The following EPB41L4A variants were observed in gnomAD, a reference collection of about 807,000 sequenced individuals.
The protein encoded by EPB41L4A is erythrocyte membrane protein band 4.1 like 4A, also known as band 4.1-like protein 4A.
In EPB41L4A, 100 loss-of-function variants were observed where a neutral mutation model predicts 108.6. The ratio of observed to expected loss-of-function variants is 0.92; its 90% CI spans 0.78 to 1.09. The LOEUF (loss-of-function observed/expected upper bound fraction) is 1.09. Ranked by LOEUF, EPB41L4A falls within the 50% of genes least tolerant of loss-of-function variation. The pLI, the probability that EPB41L4A is intolerant of heterozygous loss-of-function variation, is 0.00. For missense variants in EPB41L4A, 1,030 were observed against 842.7 expected, an observed-to-expected ratio of 1.22 and a Z score of -2.75; for synonymous variants, 319 against 289.0, an observed-to-expected ratio of 1.10 and a Z score of -1.05.
intron 9 of EPB41L4A, among the ~76,000 whole-genome samples, chr5:112,242,684 T>C (rs1480977373): frequency 2.0e-5 from 3 of 152,234 alleles, no homozygotes; most frequent in African/African-American, 7.2e-5. Context: ...GAAATCATTA[T>C]CTATCGCATC....
chr5:112,194,476 A>G, intron 17 of EPB41L4A, 92 bp downstream of exon 17: 1 of 711,228 alleles, frequency 1.4e-6, no homozygotes. Flanking sequence ...ACTCAGATGG[A>G]AAAAACAGAC....
At position 112,168,832 on chromosome 5, in the gene EPB41L4A, G is replaced by A. The variant is rs774082369; in HGVS notation, c.1851-12C>T. 6.2e-7 allele frequency: 1 copy of A among 1,609,324 alleles called. No homozygotes were observed. The highest frequency in any genetic ancestry group is 1.7e-5 in the Admixed American group (1 of 60,012). ...GATCTGTTTTTGAACTGCAGAGAAT[G>A]AGTTTTAGAATTAGTGACTGGAACA... is the stretch of plus-strand genomic sequence containing the variant. On this transcript the variant is annotated splice_polypyrimidine_tract_variant and intron_variant, in intron 21 of 22. Transcript: ENST00000261486.
intron 1 of EPB41L4A, among the ~76,000 whole-genome samples, chr5:112,342,444 T>G (rs1311471441): frequency 6.6e-6 from 1 of 152,214 alleles, no homozygotes; most frequent in African/African-American, 2.4e-5. Context: ...CAGGCAGTCC[T>G]GACAAGTAGG....
chr5:112,379,215 C>T (rs1159921486), intron 1 of EPB41L4A, among the ~76,000 whole-genome samples: 1 of 152,076 alleles, frequency 6.6e-6, no homozygotes, highest in East Asian at 1.9e-4. Context: ...AGAATTTTTG[C>T]TTAAAATTAA....
intron 2 of EPB41L4A, among the ~76,000 whole-genome samples, chr5:112,299,969 C>T (rs1754246090): frequency 6.6e-6 from 1 of 152,008 alleles, no homozygotes; most frequent in African/African-American, 2.4e-5. Flanking sequence ...CATATGCCTG[C>T]TTGTTTTTGG....
intron 1 of EPB41L4A, among the ~76,000 whole-genome samples, chr5:112,330,894 G>C (rs1477722017): frequency 6.6e-6 from 1 of 152,138 alleles, no homozygotes; most frequent in African/African-American, 2.4e-5. Flanking sequence ...GTGTGGACAG[G>C]GTGAGGAGGG....
intron 12 of EPB41L4A, among the ~76,000 whole-genome samples, chr5:112,232,425 G>A (rs1749023893): frequency 6.6e-6 from 1 of 152,182 alleles, no homozygotes; most frequent in South Asian, 2.1e-4. Context: ...CAAAATAATA[G>A]TGATGTGGCA....
At chr5:112,382,519 T>C (rs868219800) in intron 1 of EPB41L4A, among the ~76,000 whole-genome samples, 51 of 152,220 alleles carry the variant, frequency 3.4e-4, no homozygotes, top group South Asian at 4.1e-4. Flanking sequence ...TCTGACCCAG[T>C]AGAAAAATTC....
chr5:112,293,429 T>C (rs1407481964), intron 2 of EPB41L4A, among the ~76,000 whole-genome samples: 1 of 152,044 alleles, frequency 6.6e-6, no homozygotes, highest in Non-Finnish European at 1.5e-5. Flanking sequence ...AAAGAAAACT[T>C]TCTCTCCAAG....
chr5:112,265,320 C>T (rs1751771479), intron 5 of EPB41L4A, among the ~76,000 whole-genome samples: 2 of 152,240 alleles, frequency 1.3e-5, no homozygotes, highest in South Asian at 4.2e-4. Context: ...AACAGCATTT[C>T]AAGTACAAAC....
intron 6 of EPB41L4A, among the ~76,000 whole-genome samples, chr5:112,262,926 T>G (rs540232353): frequency 6.6e-6 from 1 of 152,100 alleles, no homozygotes; most frequent in African/African-American, 2.4e-5. Context: ...AAGAGTAAAA[T>G]GTCTCTGTGC....
intron 4 of EPB41L4A, among the ~76,000 whole-genome samples, chr5:112,268,480 C>G (rs1449182928): frequency 6.6e-6 from 1 of 152,156 alleles, no homozygotes; most frequent in African/African-American, 2.4e-5. Flanking sequence ...CCTCCTCCTT[C>G]TCTATTGGCA....
At chr5:112,219,272 G>A (rs566649755) in intron 12 of EPB41L4A, among the ~76,000 whole-genome samples, 42 of 152,202 alleles carry the variant, frequency 2.8e-4, no homozygotes, top group Non-Finnish European at 5.0e-4. Flanking sequence ...TGCTATTCTC[G>A]TGATAGTGAG....
intron 13 of EPB41L4A, among the ~76,000 whole-genome samples, chr5:112,145,059 G>T (rs1415872034): frequency 6.6e-6 from 1 of 152,232 alleles, no homozygotes; most frequent in Admixed American, 6.5e-5. Flanking sequence ...GGAGGCCGAG[G>T]TGGGCGTATC....
rs1561584934 is a variant in EPB41L4A, at chr5:112,339,480, A to ATATATC, written c.100-31991_100-31990insGATATA. 2.3e-3 allele frequency among the ~76,000 whole-genome samples: 75 copies of ATATATC among 32,962 alleles called. 1 individual carries two copies. The highest frequency in any genetic ancestry group is 8.5e-3 in the African/African-American group (74 of 8,702). The allele number at this position is 32,962 out of a possible 152,430, so 21.6% of individuals were successfully genotyped here. A position where few individuals can be genotyped will look rare whatever the true frequency, so the allele number is the denominator to read the frequency against. ...GCTATAGATATATATATATCTATAT[A>ATATATC]TATATATATATATATCTATATATAT... On this transcript the variant is annotated intron_variant, in intron 1 of 22. Transcript: ENST00000261486.
intron 1 of EPB41L4A, among the ~76,000 whole-genome samples, chr5:112,366,384 T>C (rs1194640891): frequency 6.6e-6 from 1 of 151,788 alleles, no homozygotes. Context: ...AGAGTTAATC[T>C]ATGAGGTTAA....
intron 12 of EPB41L4A, among the ~76,000 whole-genome samples, chr5:112,224,744 G>A (rs1403004388): frequency 1.3e-5 from 2 of 152,146 alleles, no homozygotes; most frequent in Non-Finnish European, 2.9e-5. Flanking sequence ...TCAGAGCAGA[G>A]GTTCTTACAA....
At chr5:112,327,127 A>G (rs1357282418) in intron 1 of EPB41L4A, among the ~76,000 whole-genome samples, 1 of 152,224 alleles carries the variant, frequency 6.6e-6, no homozygotes, top group Admixed American at 6.5e-5. Context: ...AAAAGCCAAG[A>G]GCTAAAACCC....
chr5:112,294,844 A>G (rs1753890644), intron 2 of EPB41L4A, among the ~76,000 whole-genome samples: 2 of 152,196 alleles, frequency 1.3e-5, no homozygotes, highest in Admixed American at 1.3e-4. Flanking sequence ...GACTTTGTAA[A>G]CCATGTTTAG....
Sources: gnomAD v4.1 joint callset for allele counts (sites outside exome capture counted in the v4.1 genomes callset) on GRCh38, gnomAD v4.1.1 for gene constraint, MANE v1.5 for transcripts, NCBI Gene and HGNC (gene_info 2026-07-23, HGNC 2026-07-21) for gene names.